EIF2D: variants seen among roughly 807,000 people sequenced by gnomAD.
EIF2D encodes the protein eukaryotic translation initiation factor 2D.
A neutral mutation model predicts 77.4 loss-of-function variants in EIF2D; 56 were observed. The observed-to-expected ratio is 0.72, with a 90% CI of 0.58 to 0.90. The LOEUF (loss-of-function observed/expected upper bound fraction) is 0.90, where lower values mean the gene tolerates loss of function less well. Ranked by LOEUF, EIF2D falls within the 40% of genes least tolerant of loss-of-function variation. The probability of loss-of-function intolerance (pLI) is 0.00; values close to 1 mark genes in which losing one functional copy is unlikely to be tolerated. For missense variants in EIF2D, 574 were observed against 706.5 expected (o/e 0.81, Z 2.13); for synonymous variants, 230 against 271.0 (o/e 0.85, Z 1.49).
downstream of EIF2D, chr1:206,588,850 A>G (rs1158959548): frequency 4.6e-5 from 7 of 152,696 alleles, no homozygotes; most frequent in East Asian, 1.1e-3. Context: ...TTCGTCCTGC[A>G]TGTCTCTAAC....
Position 206,612,322 on chromosome 1 carries a change from C to T in EIF2D, c.21G>A (p.Arg7=). 6.2e-7 allele frequency: 1 copy of T among 1,614,254 alleles called. No individual in the cohort carries two copies. The highest frequency in any genetic ancestry group is 8.5e-7 in the Non-Finnish European group (1 of 1,180,046). ...CCTTGATGGCCGTGTTGGACTTGAC[C>T]CGAAAGGCCTTGGCAAACATGTCTG... MFAKAF[R]VKSNTAIKGS... is the part of the protein sequence containing the mutation. The change falls in exon 1 of 15, where the codon CGG becomes CGA. Residue 7 remains arginine (R), a synonymous_variant. Coordinates refer to ENST00000271764, the MANE Select transcript of EIF2D (RefSeq NM_006893.3).
At chr1:206,594,090 A>G (rs1255623545) in intron 13 of EIF2D, 1 of 219,854 alleles carries the variant, frequency 4.5e-6, no homozygotes, top group African/African-American at 2.3e-5. Context: ...AAATGAAAGC[A>G]GAATAGTATA....
At chr1:206,583,661 T>A (rs1668984213) in intron 2 of EIF2D, 8 of 399,474 alleles carry the variant, frequency 2.0e-5, no homozygotes, top group Middle Eastern at 7.9e-4. Context: ...GATTAAACGG[T>A]ACGTAATGAC....
chr1:206,597,102 G>A lies in EIF2D; in HGVS notation c.1386C>T (p.Thr462=), dbSNP rs547888785. The A allele has an allele frequency of 1.2e-6, 2 of 1,613,392 alleles. No individual in the cohort carries two copies. The highest frequency in any genetic ancestry group is 2.7e-5 in the African/African-American group (2 of 75,002). ...GAGGGACTGCCAATGCTCGTTACCT[G>A]GTCAGAAGACTGTCCCATGGAAGCT... The part of the protein sequence containing the change: ...VMKLPWDSLL[T]RCLEKLQPAY... The change falls in exon 12 of 15, where the codon ACC becomes ACT. Residue 462 remains threonine, a splice_region_variant and synonymous_variant. Transcript: ENST00000271764.
At chr1:206,608,175 C>T in intron 4 of EIF2D, 61 bp downstream of exon 4, 1 of 1,486,132 alleles carries the variant, frequency 6.7e-7, no homozygotes, top group Non-Finnish European at 9.3e-7. Flanking sequence ...GTTGTCATTC[C>T]CCTCCAACTT....
In EIF2D at chr1:206,575,605, G is replaced by C. The variant is rs554440154; in HGVS notation, c.*255-2906C>G. The stretch of plus-strand genomic sequence containing the variant: ...CAGCCATGCTAGCTAGCCTCCAAGA[G>C]GCCCCCATCTCCACACCCAATTCTC... On this transcript the variant is annotated intron_variant and NMD_transcript_variant, in intron 4 of 5. Coordinates refer to the EIF2D transcript ENST00000472709. 4.6e-5 allele frequency among the ~76,000 whole-genome samples: 7 copies of C among 152,168 alleles called. No homozygotes were observed. In the South Asian group the frequency reaches 1.5e-3, roughly 32 times the overall value.
At chr1:206,607,538 C>T (rs569312831) in intron 4 of EIF2D, among the ~76,000 whole-genome samples, 1 of 152,220 alleles carries the variant, frequency 6.6e-6, no homozygotes, top group South Asian at 2.1e-4. Context: ...GCAGGAGTAT[C>T]GCTTGAAGCC....
At position 206,599,133 on chromosome 1, in the gene EIF2D, G is replaced by T. The variant is rs952612191; in HGVS notation, c.1203-41C>A. 2.5e-6 allele frequency: 4 copies of T among 1,588,102 alleles called. No homozygotes were observed. Among genetic ancestry groups the T allele is most frequent in the Non-Finnish European group, 3.5e-6 (4 of 1,158,182 alleles). On this transcript the variant is annotated intron_variant, in intron 10 of 14. Coordinates refer to ENST00000271764, the MANE Select transcript of EIF2D (RefSeq NM_006893.3). This position sits in a 1 kb window ranked among gnomAD's most constrained non-coding sequence, Gnocchi z 4.1. ...TGACCCAGGGGTTAGTTCATGCTGT[G>T]CCATGAGACAAAAATGCAGATGCCC...
At chr1:206,598,333 C>T (rs901976265) in intron 11 of EIF2D, among the ~76,000 whole-genome samples, 6 of 152,106 alleles carry the variant, frequency 3.9e-5, no homozygotes, top group African/African-American at 7.2e-5. Context: ...CCACAGTGTC[C>T]GGCCATTAAA....
At chr1:206,588,728 T>TA (rs1669235257), downstream of EIF2D, 1 of 152,728 alleles carries the variant, frequency 6.5e-6, no homozygotes, top group African/African-American at 2.4e-5. Context: ...AAGATTTTTT[T>TA]AAACCACAAA....
At chr1:206,593,504 A>AGTGTGTGTGCGTGTGT (rs1476375070) in intron 14 of EIF2D, 115 bp downstream of exon 14, 2 of 405,062 alleles carry the variant, frequency 4.9e-6, no homozygotes, top group East Asian at 4.2e-5. Flanking sequence ...AGAGAGAGAG[A>AGTGTGTGTGCGTGTGT]GAGAGTGTGT....
intron 2 of EIF2D, chr1:206,583,402 C>G: frequency 1.3e-6 from 2 of 1,512,256 alleles, no homozygotes; most frequent in Non-Finnish European, 1.8e-6. Flanking sequence ...CCACCCTCAA[C>G]CTGGCCCCTG....
Position 206,584,632 on chromosome 1 carries a change from G to C in EIF2D, c.139-3470C>G. The C allele has an allele frequency of 6.2e-7, 1 of 1,614,224 alleles. No homozygotes were observed. Among genetic ancestry groups the C allele is most frequent in the Non-Finnish European group, 8.5e-7 (1 of 1,180,038 alleles). On this transcript the variant is annotated intron_variant and NMD_transcript_variant, in intron 2 of 5. Coordinates refer to the EIF2D transcript ENST00000472709. This position sits in a 1 kb window ranked among gnomAD's most constrained non-coding sequence, Gnocchi z 4.9. ...GGCTGCTCAAGAAGTTCATGGTTGT[G>C]GACAATCCCCAGAAGTTTGCACTTT...
At chr1:206,581,384 G>A (rs1668867742) in intron 2 of EIF2D, among the ~76,000 whole-genome samples, 1 of 152,118 alleles carries the variant, frequency 6.6e-6, no homozygotes, top group Non-Finnish European at 1.5e-5. Flanking sequence ...GATCATTTGA[G>A]GTCAGGAGTT....
intron 1 of EIF2D, among the ~76,000 whole-genome samples, chr1:206,611,829 GTTC>G (rs1290316153): frequency 2.0e-5 from 3 of 152,208 alleles, no homozygotes; most frequent in Non-Finnish European, 4.4e-5. Context: ...AACAGATACA[GTTC>G]TTCTTACCAC....
intron 12 of EIF2D, among the ~76,000 whole-genome samples, chr1:206,596,392 C>T (rs1412248946): frequency 6.6e-6 from 1 of 152,194 alleles, no homozygotes; most frequent in Non-Finnish European, 1.5e-5. Context: ...CTTACAACTA[C>T]TCAGTTCTGC....
downstream of EIF2D, chr1:206,587,790 T>C (rs1182148991): frequency 1.3e-5 from 2 of 152,456 alleles, no homozygotes; most frequent in East Asian, 1.9e-4. Flanking sequence ...AAGCCAGTCA[T>C]TGACCATTTA....
intron 3 of EIF2D, among the ~76,000 whole-genome samples, chr1:206,608,944 C>T (rs1425672969): frequency 6.6e-6 from 1 of 151,748 alleles, no homozygotes; most frequent in South Asian, 2.1e-4. Flanking sequence ...CCCAGTTACT[C>T]GGGAGGCTGA....
chr1:206,608,652 T>A (rs1670317825), intron 3 of EIF2D, among the ~76,000 whole-genome samples: 1 of 152,152 alleles, frequency 6.6e-6, no homozygotes, highest in Admixed American at 6.5e-5. Flanking sequence ...CCTTCACCCA[T>A]CCAATAGCAG....
Sources: gnomAD v4.1 joint callset for allele counts (sites outside exome capture counted in the v4.1 genomes callset) on GRCh38, gnomAD v4.1.1 for gene constraint, Gnocchi (gnomAD v3.1) non-coding constraint, MANE v1.5 for transcripts, NCBI Gene and HGNC (gene_info 2026-07-23, HGNC 2026-07-21) for gene names.